LUZP2: variants seen among roughly 807,000 people sequenced by gnomAD.
LUZP2 encodes the protein leucine zipper protein 2.
Under a neutral mutation model 51.6 loss-of-function variants are expected in LUZP2, and 52 were observed. That is an observed-to-expected ratio of 1.01 (90% CI 0.81 to 1.27). The LOEUF is 1.27. Among genes scored for constraint, LUZP2 ranks in the 50% most tolerant of loss-of-function variants. The pLI, the probability that LUZP2 is intolerant of heterozygous loss-of-function variation, is 0.00. For synonymous variants in LUZP2, 154 were observed against 137.3 expected, an observed-to-expected ratio of 1.12 and a Z score of -0.85; for missense variants, 436 against 395.4, an observed-to-expected ratio of 1.10 and a Z score of -0.87.
intron 10 of LUZP2, among the ~76,000 whole-genome samples, chr11:25,058,920 A>G (rs1276668617): frequency 1.3e-5 from 2 of 152,192 alleles, no homozygotes; most frequent in Non-Finnish European, 1.5e-5. Context: ...TCCTGCATAA[A>G]TTGGCATCAT....
intron 1 of LUZP2, among the ~76,000 whole-genome samples, chr11:24,587,444 A>T (rs758085432): frequency 1.3e-5 from 2 of 152,100 alleles, no homozygotes; most frequent in African/African-American, 2.4e-5. Flanking sequence ...GAGCGAGCAT[A>T]AGCACAATGT....
intron 1 of LUZP2, among the ~76,000 whole-genome samples, chr11:24,659,335 A>G (rs1855931694): frequency 6.6e-6 from 1 of 152,030 alleles, no homozygotes. Flanking sequence ...AAAAGCAAAC[A>G]CCGCATATTC....
chr11:25,042,666 C>G (rs1051801089), intron 9 of LUZP2, among the ~76,000 whole-genome samples: 2 of 152,136 alleles, frequency 1.3e-5, no homozygotes, highest in African/African-American at 4.8e-5. Flanking sequence ...TATACTTCCT[C>G]TAGGGTTTCT....
At chr11:24,902,232 G>A (rs1853301918) in intron 5 of LUZP2, among the ~76,000 whole-genome samples, 1 of 151,990 alleles carries the variant, frequency 6.6e-6, no homozygotes, top group Non-Finnish European at 1.5e-5. Flanking sequence ...ATGTCATAGA[G>A]GTTTGTTGTA....
At chr11:24,857,246 A>G (rs1851593579) in intron 5 of LUZP2, among the ~76,000 whole-genome samples, 1 of 148,824 alleles carries the variant, frequency 6.7e-6, no homozygotes, top group South Asian at 2.1e-4. Flanking sequence ...CCACTCCCCT[A>G]CCCACAAGAA....
chr11:24,803,943 G>A (rs1157650864), intron 5 of LUZP2, among the ~76,000 whole-genome samples: 4 of 140,764 alleles, frequency 2.8e-5, no homozygotes, highest in Non-Finnish European at 4.5e-5. Context: ...AAACATAGGA[G>A]ATTAGAATAA....
chr11:24,808,967 T>A (rs1372025538), intron 5 of LUZP2, among the ~76,000 whole-genome samples: 1 of 152,152 alleles, frequency 6.6e-6, no homozygotes, highest in African/African-American at 2.4e-5. Context: ...TTTAAATAAC[T>A]TATAGTTATT....
At chr11:24,601,998 GTA>G (rs774764349) in intron 1 of LUZP2, among the ~76,000 whole-genome samples, 6,311 of 73,442 alleles carry the variant, frequency 0.086, 397 homozygotes, top group African/African-American at 0.26. Flanking sequence ...GTGTATATAT[GTA>G]TATATATGTA....
intron 5 of LUZP2, among the ~76,000 whole-genome samples, chr11:24,877,252 T>C (rs1478812127): frequency 6.6e-6 from 1 of 152,096 alleles, no homozygotes; most frequent in Non-Finnish European, 1.5e-5. Flanking sequence ...CTGCAACTTT[T>C]CAAGTAAACA....
intron 5 of LUZP2, among the ~76,000 whole-genome samples, chr11:24,858,283 A>C (rs1872720): frequency 6.6e-6 from 1 of 151,902 alleles, no homozygotes; most frequent in Admixed American, 6.6e-5. Context: ...CTCATTACAG[A>C]ATGGAAAACA....
rs573069110 is a variant in LUZP2, at chr11:25,006,027, G to A, written c.765+22734G>A. On this transcript the variant is annotated intron_variant, in intron 9 of 11. Transcript: ENST00000336930. ...CCTTATGTCCTTACTTATATGAATAGGAAGGATACAATTTCTGAGGCTCCC... is the reference window on the plus strand; with the variant it reads ...CCTTATGTCCTTACTTATATGAATAAGAAGGATACAATTTCTGAGGCTCCC... Among the ~76,000 whole-genome samples, 12 of 152,214 alleles carry A rather than the reference G, an allele frequency of 7.9e-5. No individual in the cohort carries two copies. In the South Asian group the frequency reaches 2.5e-3, roughly 32 times the overall value.
At chr11:24,627,518 G>A (rs1273877386) in intron 1 of LUZP2, among the ~76,000 whole-genome samples, 5 of 152,100 alleles carry the variant, frequency 3.3e-5, no homozygotes, top group African/African-American at 1.2e-4. Flanking sequence ...TATTATAACC[G>A]ACTTTCTTTC....
At chr11:24,684,413 G>A (rs1443117930) in intron 1 of LUZP2, among the ~76,000 whole-genome samples, 1 of 152,128 alleles carries the variant, frequency 6.6e-6, no homozygotes, top group African/African-American at 2.4e-5. Flanking sequence ...GCTCTTTCAT[G>A]GATGTGCATT....
At chr11:24,590,780 T>G (rs1426459098) in intron 1 of LUZP2, among the ~76,000 whole-genome samples, 4 of 152,318 alleles carry the variant, frequency 2.6e-5, no homozygotes, top group African/African-American at 9.6e-5. Context: ...ATATGTGTTT[T>G]TTTTCCCCCA....
Position 24,601,294 on chromosome 11 carries a change from G to C in LUZP2, c.62+103989G>C, listed in dbSNP as rs941097803. Among the ~76,000 whole-genome samples, 16 of 152,014 alleles carry C rather than the reference G, an allele frequency of 1.1e-4. 1 individual carries two copies. The highest frequency in any genetic ancestry group is 3.1e-4 in the African/African-American group (13 of 41,514). The stretch of plus-strand genomic sequence containing the variant: ...TAATTTATTATTGTTTATATTTTGA[G>C]GCCCTATACAGAAATGTCAGCTGTG... On this transcript the variant is annotated intron_variant, in intron 1 of 11. Transcript: ENST00000336930.
chr11:24,681,673 A>G (rs1271619662), intron 1 of LUZP2, among the ~76,000 whole-genome samples: 1 of 152,192 alleles, frequency 6.6e-6, no homozygotes, highest in Non-Finnish European at 1.5e-5. Context: ...TACACTAAGG[A>G]TAATTAGCTT....
intron 5 of LUZP2, among the ~76,000 whole-genome samples, chr11:24,900,542 A>T (rs1036237383): frequency 6.6e-6 from 1 of 152,186 alleles, no homozygotes; most frequent in African/African-American, 2.4e-5. Flanking sequence ...AGTTCAGCCC[A>T]AAGTTGCCTC....
intron 9 of LUZP2, among the ~76,000 whole-genome samples, chr11:25,041,217 C>T (rs115531981): frequency 0.012 from 1,893 of 152,044 alleles, 39 homozygotes; most frequent in African/African-American, 0.038. Context: ...ATCCTCTATA[C>T]GCTGTATTTT....
chr11:25,048,042 C>T (rs7129449), intron 9 of LUZP2, among the ~76,000 whole-genome samples: 71,222 of 151,846 alleles, frequency 0.47, 17,175 homozygotes, highest in Non-Finnish European at 0.51. Flanking sequence ...CACTCCTGAC[C>T]TCAAGAGATC....
Sources: allele counts gnomAD v4.1 joint callset (sites outside exome capture counted in the v4.1 genomes callset), GRCh38; gene constraint gnomAD v4.1.1; transcripts MANE v1.5; gene names NCBI Gene and HGNC (gene_info 2026-07-23, HGNC 2026-07-21).